HIVEP1: variants seen among roughly 807,000 people sequenced by gnomAD.
The protein encoded by HIVEP1 is zinc finger protein 40.
In HIVEP1, 36 loss-of-function variants were observed where a neutral mutation model predicts 180.0. That is an observed-to-expected ratio of 0.20 (90% CI 0.15 to 0.26). The LOEUF is 0.26. Ranked by LOEUF, HIVEP1 falls within the 10% of genes least tolerant of loss-of-function variation. HIVEP1 has a pLI of 1.00. For synonymous variants in HIVEP1, 1,239 were observed against 1,239.0 expected (o/e 1.00, Z 0.00); for missense variants, 3,143 against 3,268.7 (o/e 0.96, Z 0.94).
At chr6:12,168,064 C>CT (rs1455412672), downstream of HIVEP1, among the ~76,000 whole-genome samples, 597 of 21,444 alleles carry the variant, frequency 0.028, 167 homozygotes, top group African/African-American at 0.084. Flanking sequence ...TGTATATATA[C>CT]ATATATATGT....
chr6:12,125,320 G>T lies in HIVEP1; in HGVS notation c.5525G>T (p.Gly1842Val), dbSNP rs778731686. The change falls in exon 4 of 9, where the codon GGA becomes GTA. Residue 1842 changes from glycine (G) to valine (V), a missense_variant. By Grantham distance (109) the Gly-to-Val change is moderately radical. Transcript: ENST00000379388. Reference protein sequence around the residue: ...NVLPADNSSTGCSKFVVIEPI... With the variant: ...NVLPADNSSTVCSKFVVIEPI... ...TTACCAGCTGATAATTCATCAACAG[G>T]ATGCTCTAAATTTGTCGTTATAGAA... is the stretch of plus-strand genomic sequence containing the variant. The T allele has an allele frequency of 6.2e-6, 10 of 1,613,832 alleles. No individual in the cohort carries two copies. In the East Asian group the frequency reaches 8.9e-5, roughly 14 times the overall value.
At chr6:12,071,136 T>C (rs116777433) in intron 2 of HIVEP1, among the ~76,000 whole-genome samples, 3,927 of 152,336 alleles carry the variant, frequency 0.026, 182 homozygotes, top group African/African-American at 0.09. Flanking sequence ...TTCATTGTTA[T>C]GTGTACACAT....
chr6:12,081,593 A>G (rs989222396), intron 2 of HIVEP1, among the ~76,000 whole-genome samples: 1 of 152,000 alleles, frequency 6.6e-6, no homozygotes, highest in African/African-American at 2.4e-5. Context: ...TGGACTCTTG[A>G]TGCCCTGCTC....
chr6:12,033,137 A>C (rs1769065736), intron 2 of HIVEP1, among the ~76,000 whole-genome samples: 2 of 152,246 alleles, frequency 1.3e-5, no homozygotes. Context: ...CTTTAGTATA[A>C]AAGAGCCTTT....
upstream of HIVEP1, among the ~76,000 whole-genome samples, chr6:12,011,650 AGGGGCGAAGCGGCGGGTAGGTGGC>A (rs1190435667): frequency 8.1e-5 from 11 of 136,614 alleles, no homozygotes; most frequent in African/African-American, 3.0e-4. Context: ...CGGGGCGGGG[AGGGGCGAAGCGGCGGGTAGGTGGC>A]GGGGCCGGCG....
intron 4 of HIVEP1, among the ~76,000 whole-genome samples, chr6:12,128,560 A>C (rs1758230027): frequency 6.6e-6 from 1 of 152,148 alleles, no homozygotes; most frequent in Admixed American, 6.5e-5. Flanking sequence ...TTGAGCCTTT[A>C]CTTAACACTT....
chr6:12,146,424 C>T (rs1759376145), intron 7 of HIVEP1, among the ~76,000 whole-genome samples: 1 of 152,150 alleles, frequency 6.6e-6, no homozygotes, highest in Admixed American at 6.5e-5. Context: ...GCCCGGGCAA[C>T]AAGAGCTAAA....
chr6:12,179,326 G>T, the HIVEP1 span, among the ~76,000 whole-genome samples: 1 of 152,200 alleles, frequency 6.6e-6, no homozygotes, highest in African/African-American at 2.4e-5. Flanking sequence ...GGCTTGCAGT[G>T]GTCCTGTTCC....
intron 7 of HIVEP1, among the ~76,000 whole-genome samples, chr6:12,141,061 T>C (rs913023950): frequency 6.6e-6 from 1 of 151,898 alleles, no homozygotes; most frequent in African/African-American, 2.4e-5. Context: ...GCAAGACACA[T>C]AATTGTCAGA....
At chr6:12,114,346 G>T (rs541421756) in intron 3 of HIVEP1, among the ~76,000 whole-genome samples, 1 of 152,126 alleles carries the variant, frequency 6.6e-6, no homozygotes, top group Non-Finnish European at 1.5e-5. Context: ...CAACACTATT[G>T]GCCACATCTT....
chr6:12,209,443 A>G, the HIVEP1 span, among the ~76,000 whole-genome samples: 2 of 152,172 alleles, frequency 1.3e-5, no homozygotes, highest in African/African-American at 2.4e-5. Flanking sequence ...AAAAAAACAA[A>G]AAATTTTTTT....
At chr6:12,180,596 A>G in the HIVEP1 span, among the ~76,000 whole-genome samples, 1 of 152,244 alleles carries the variant, frequency 6.6e-6, no homozygotes, top group Admixed American at 6.5e-5. Flanking sequence ...AAAATAAGAA[A>G]GATATTCGGT....
chr6:12,083,398 G>A (rs1009255652), intron 2 of HIVEP1, among the ~76,000 whole-genome samples: 2 of 152,074 alleles, frequency 1.3e-5, no homozygotes, highest in Admixed American at 6.6e-5. Flanking sequence ...GAGTAATATC[G>A]CAATAGCAGT....
chr6:12,149,459 T>C (rs888697651), intron 7 of HIVEP1, among the ~76,000 whole-genome samples: 2 of 152,188 alleles, frequency 1.3e-5, no homozygotes, highest in African/African-American at 2.4e-5. Flanking sequence ...TCTCTGAGCT[T>C]TCATTCATTA....
chr6:12,188,664 T>A, the HIVEP1 span, among the ~76,000 whole-genome samples: 1 of 152,090 alleles, frequency 6.6e-6, no homozygotes, highest in South Asian at 2.1e-4. Flanking sequence ...ATAAGATCTA[T>A]ATAAGGTTTT....
At chr6:12,148,816 G>A (rs1340257588) in intron 7 of HIVEP1, among the ~76,000 whole-genome samples, 1 of 152,086 alleles carries the variant, frequency 6.6e-6, no homozygotes, top group Admixed American at 6.5e-5. Context: ...TGCAGTTATC[G>A]AAGGATGTCT....
intron 2 of HIVEP1, among the ~76,000 whole-genome samples, chr6:12,074,643 T>TGTGTGTGC (rs573970756): frequency 7.5e-4 from 111 of 148,146 alleles, no homozygotes; most frequent in Middle Eastern, 3.5e-3. Flanking sequence ...TGTGTGTGTG[T>TGTGTGTGC]GCGCGCGCGT....
chr6:12,193,246 C>T, the HIVEP1 span, among the ~76,000 whole-genome samples: 1 of 152,172 alleles, frequency 6.6e-6, no homozygotes, highest in Non-Finnish European at 1.5e-5. Flanking sequence ...GTGTAATTTA[C>T]TTATCCTATT....
In HIVEP1 at chr6:12,129,862, A is replaced by G. The variant is rs1416613172; in HGVS notation, c.6179A>G (p.Glu2060Gly). The change falls in exon 5 of 9, where the codon GAA (glutamate) becomes GGA (glycine). Residue 2060 changes from glutamate to glycine, a missense_variant. Transcript: ENST00000379388. ...QDKENSLIKSEPRRIKIFDGG... is the reference protein window; with the variant it reads ...QDKENSLIKSGPRRIKIFDGG... The stretch of plus-strand genomic sequence containing the variant: ...AAAGAAAATTCCTTAATCAAAAGTG[A>G]ACCAAGAAGAATTAAAATATTTGAT... 1 of 1,569,140 alleles carries G rather than the reference A, an allele frequency of 6.4e-7. No individual in the cohort carries two copies. The highest frequency in any genetic ancestry group is 8.7e-7 in the Non-Finnish European group (1 of 1,143,348).
Sources: allele counts gnomAD v4.1 joint callset (sites outside exome capture counted in the v4.1 genomes callset), GRCh38; gene constraint gnomAD v4.1.1; transcripts MANE v1.5; gene names NCBI Gene and HGNC (gene_info 2026-07-23, HGNC 2026-07-21).